The following STAU2 variants were observed in gnomAD, a reference collection of about 807,000 sequenced individuals.
The protein encoded by STAU2 is double-stranded RNA-binding protein Staufen homolog 2.
In STAU2, 20 loss-of-function variants were observed where a neutral mutation model predicts 65.9. The ratio of observed to expected loss-of-function variants is 0.30; its 90% CI spans 0.21 to 0.44. STAU2 has a LOEUF of 0.44. Among genes scored for constraint, STAU2 ranks in the 20% least tolerant of loss-of-function variants. The pLI, the probability that STAU2 is intolerant of heterozygous loss-of-function variation, is 1.00. For synonymous variants in STAU2, 232 were observed against 233.9 expected, an observed-to-expected ratio of 0.99 and a Z score of 0.07; for missense variants, 558 against 683.9, an observed-to-expected ratio of 0.82 and a Z score of 2.05.
At chr8:73,597,669 C>CAAGA (rs1811301930) in intron 10 of STAU2, among the ~76,000 whole-genome samples, 1 of 55,876 alleles carries the variant, frequency 1.8e-5, no homozygotes, top group Non-Finnish European at 3.1e-5. Flanking sequence ...GTCTCTGTCT[C>CAAGA]AAAAAAAAAA....
intron 4 of STAU2, among the ~76,000 whole-genome samples, chr8:73,689,768 G>A (rs916879672): frequency 6.6e-6 from 1 of 152,118 alleles, no homozygotes; most frequent in Non-Finnish European, 1.5e-5. Flanking sequence ...GTAGAAAGGA[G>A]ATCAGATAGA....
At chr8:73,743,872 A>G (rs1310869699) in intron 1 of STAU2, among the ~76,000 whole-genome samples, 1 of 151,344 alleles carries the variant, frequency 6.6e-6, no homozygotes, top group African/African-American at 2.4e-5. Flanking sequence ...CCCGGGTTCA[A>G]GCGATTCTCC....
At chr8:73,453,181 A>C (rs1818891268) in intron 13 of STAU2, among the ~76,000 whole-genome samples, 1 of 152,230 alleles carries the variant, frequency 6.6e-6, no homozygotes, top group South Asian at 2.1e-4. Context: ...CTCACCTCTA[A>C]AATGTGATTA....
chr8:73,723,233 A>G (rs148272797), intron 3 of STAU2, among the ~76,000 whole-genome samples: 246 of 152,350 alleles, frequency 1.6e-3, no homozygotes, highest in Non-Finnish European at 3.1e-3. Flanking sequence ...AGTCCCAAAG[A>G]AAACCCATGC....
At chr8:73,738,556 A>T (rs1806607492) in intron 2 of STAU2, among the ~76,000 whole-genome samples, 1 of 152,220 alleles carries the variant, frequency 6.6e-6, no homozygotes, top group African/African-American at 2.4e-5. Context: ...AGCACTTGAA[A>T]TGTGGCTAGA....
At chr8:73,613,097 G>A (rs1042440801) in intron 9 of STAU2, among the ~76,000 whole-genome samples, 2 of 152,174 alleles carry the variant, frequency 1.3e-5, no homozygotes, top group African/African-American at 4.8e-5. Context: ...TGAACGAATG[G>A]CAACAAAATA....
chr8:73,732,232 C>T (rs957274019), intron 3 of STAU2, among the ~76,000 whole-genome samples: 4 of 152,234 alleles, frequency 2.6e-5, no homozygotes, highest in African/African-American at 4.8e-5. Context: ...GCCTCCCCAT[C>T]GGGCCATTCA....
At chr8:73,450,671 A>T (rs1818755677) in intron 13 of STAU2, among the ~76,000 whole-genome samples, 1 of 152,224 alleles carries the variant, frequency 6.6e-6, no homozygotes, top group African/African-American at 2.4e-5. Flanking sequence ...CACAAGTTTG[A>T]AAACCTGTAT....
At chr8:73,530,667 GA>G (rs1274609600) in intron 13 of STAU2, among the ~76,000 whole-genome samples, 1 of 152,170 alleles carries the variant, frequency 6.6e-6, no homozygotes, top group African/African-American at 2.4e-5. Context: ...AGAAGCACAT[GA>G]AAATACAGAA....
intron 4 of STAU2, among the ~76,000 whole-genome samples, chr8:73,697,031 G>T (rs1166250024): frequency 6.7e-6 from 1 of 149,158 alleles, no homozygotes; most frequent in African/African-American, 2.5e-5. Flanking sequence ...AATACAACTG[G>T]CAGCAGACTT....
intron 6 of STAU2, among the ~76,000 whole-genome samples, chr8:73,664,887 G>A: frequency 6.6e-6 from 1 of 152,102 alleles, no homozygotes; most frequent in East Asian, 1.9e-4. Flanking sequence ...AGGTACTCGG[G>A]AAATTGAGGC....
chr8:73,599,174 A>G (rs1246476867), intron 10 of STAU2, among the ~76,000 whole-genome samples: 1 of 152,218 alleles, frequency 6.6e-6, no homozygotes, highest in African/African-American at 2.4e-5. Context: ...AAGTGCTAAG[A>G]ACAGCCAAAA....
rs578131398 is a variant in STAU2 at position 73,709,394 on chromosome 8, T to C, written c.-17-232A>G. Among the ~76,000 whole-genome samples the C allele has an allele frequency of 1.0e-3, 153 of 152,234 alleles. 1 individual carries two copies. The highest frequency in any genetic ancestry group is 3.2e-3 in the African/African-American group (135 of 41,582). On this transcript the variant is annotated intron_variant, in intron 3 of 14. Coordinates refer to ENST00000524300, the MANE Select transcript of STAU2 (RefSeq NM_001164380.2). ...CTAAGTACCTAAGTTGTTCTATGTA[T>C]ATAACAGCATGCTTAAAGATTTTAA...
chr8:73,568,502 C>T (rs960264196), intron 12 of STAU2, among the ~76,000 whole-genome samples: 3 of 152,036 alleles, frequency 2.0e-5, no homozygotes, highest in African/African-American at 7.2e-5. Flanking sequence ...ACTTGAAAGG[C>T]TGAGGCAAGA....
chr8:73,491,626 A>T (rs1161517184), intron 13 of STAU2, among the ~76,000 whole-genome samples: 9 of 151,972 alleles, frequency 5.9e-5, no homozygotes, highest in Admixed American at 1.3e-4. Flanking sequence ...GCTAAGTTAC[A>T]TTTAAAATCT....
chr8:73,663,385 G>A (rs758706728), intron 6 of STAU2, among the ~76,000 whole-genome samples: 2 of 152,076 alleles, frequency 1.3e-5, no homozygotes, highest in East Asian at 1.9e-4. Flanking sequence ...CAAGCCAGAC[G>A]TGACCCATGG....
At chr8:73,699,387 G>A (rs1199240029) in intron 4 of STAU2, among the ~76,000 whole-genome samples, 1 of 151,354 alleles carries the variant, frequency 6.6e-6, no homozygotes. Flanking sequence ...ACAAAAAGTT[G>A]GTGTTTGAGA....
intron 13 of STAU2, among the ~76,000 whole-genome samples, chr8:73,480,186 C>G (rs1052061338): frequency 6.6e-6 from 1 of 152,144 alleles, no homozygotes; most frequent in South Asian, 2.1e-4. Context: ...CCTTTCCACC[C>G]CAATATCCTC....
chr8:73,439,250 T>C (rs1396507429), intron 13 of STAU2: 2 of 348,686 alleles, frequency 5.7e-6, no homozygotes, highest in South Asian at 2.2e-5. Context: ...AGCACCCGCA[T>C]TGCATGCAAA....
Sources: gnomAD v4.1 joint callset for allele counts (sites outside exome capture counted in the v4.1 genomes callset) on GRCh38, gnomAD v4.1.1 for gene constraint, MANE v1.5 for transcripts, NCBI Gene and HGNC (gene_info 2026-07-23, HGNC 2026-07-21) for gene names.